BRINP1: variants seen among roughly 807,000 people sequenced by gnomAD.
BRINP1 encodes the protein BMP/retinoic acid-inducible neural-specific protein 1.
A neutral mutation model predicts 72.9 loss-of-function variants in BRINP1; 17 were observed. The ratio of observed to expected loss-of-function variants is 0.23; its 90% confidence interval spans 0.16 to 0.35. The LOEUF is 0.35. Ranked by LOEUF, BRINP1 falls within the 10% of genes least tolerant of loss-of-function variation. BRINP1 has a pLI of 1.00. For synonymous variants in BRINP1, 418 were observed against 378.5 expected, an observed-to-expected ratio of 1.10 and a Z score of -1.21; for missense variants, 850 against 1,001.6, an observed-to-expected ratio of 0.85 and a Z score of 2.04.
intron 1 of BRINP1, among the ~76,000 whole-genome samples, chr9:119,318,847 GTGTGTGTGTGTGTGTGTGTGTGT>G (rs1831155544): frequency 1.6e-5 from 1 of 63,796 alleles, no homozygotes; most frequent in Non-Finnish European, 4.0e-5. Context: ...TGTGTGGGGT[GTGTGTGTGTGTGTGTGTGTGTGT>G]GTGTGTGTGT....
intron 1 of BRINP1, among the ~76,000 whole-genome samples, chr9:119,347,887 C>T (rs192640213): frequency 6.6e-6 from 1 of 152,300 alleles, no homozygotes. Flanking sequence ...TTTATCCAGT[C>T]ATATGCATAG....
intron 2 of BRINP1, among the ~76,000 whole-genome samples, chr9:119,301,847 C>T (rs1413332498): frequency 6.6e-6 from 1 of 152,172 alleles, no homozygotes; most frequent in Non-Finnish European, 1.5e-5. Context: ...CAAACATCAA[C>T]TGATGCTACT....
intron 1 of BRINP1, among the ~76,000 whole-genome samples, chr9:119,337,738 T>C (rs923521420): frequency 6.6e-6 from 1 of 152,252 alleles, no homozygotes; most frequent in Non-Finnish European, 1.5e-5. Context: ...CCTCTGCCTG[T>C]TTCTGCCTCT....
intron 1 of BRINP1, among the ~76,000 whole-genome samples, chr9:119,367,389 T>A (rs1160691557): frequency 6.6e-6 from 1 of 151,924 alleles, no homozygotes; most frequent in Non-Finnish European, 1.5e-5. Flanking sequence ...CTAGCCTCCC[T>A]GCCTGAGAGC....
intron 7 of BRINP1, among the ~76,000 whole-genome samples, chr9:119,170,238 A>T (rs1272470124): frequency 6.6e-6 from 1 of 151,944 alleles, no homozygotes; most frequent in Non-Finnish European, 1.5e-5. Flanking sequence ...TTTAAAAAAA[A>T]TTTAGAAGAA....
chr9:119,240,465 C>G (rs1830235505), intron 4 of BRINP1, among the ~76,000 whole-genome samples: 1 of 152,142 alleles, frequency 6.6e-6, no homozygotes, highest in Admixed American at 6.5e-5. Context: ...TGGAGGCAGA[C>G]TGCACTTCTA....
intron 7 of BRINP1, among the ~76,000 whole-genome samples, chr9:119,185,166 A>T (rs1016862670): frequency 6.6e-6 from 1 of 152,098 alleles, no homozygotes; most frequent in Non-Finnish European, 1.5e-5. Flanking sequence ...ACCAACTGGT[A>T]GCATCCCCTC....
intron 1 of BRINP1, among the ~76,000 whole-genome samples, chr9:119,366,457 A>C (rs1831691742): frequency 6.7e-6 from 1 of 149,694 alleles, no homozygotes; most frequent in Non-Finnish European, 1.5e-5. Flanking sequence ...TTGGAGAAGG[A>C]ATCTATGTTC....
intron 5 of BRINP1, among the ~76,000 whole-genome samples, chr9:119,224,589 C>T (rs1260017769): frequency 6.6e-6 from 1 of 152,068 alleles, no homozygotes. Context: ...TGGCTTATAA[C>T]CACAAAGGTT....
chr9:119,361,440 C>T (rs1456241165), intron 1 of BRINP1, among the ~76,000 whole-genome samples: 1 of 152,080 alleles, frequency 6.6e-6, no homozygotes, highest in Non-Finnish European at 1.5e-5. Context: ...GGCATAGAAT[C>T]ACTATCTCAC....
Position 119,285,395 on chromosome 9 carries a change from C to T in BRINP1, c.218+27743G>A, listed in dbSNP as rs599616. On this transcript the variant is annotated intron_variant, in intron 2 of 7. Transcript: ENST00000265922. ...GTCAGCACTGAGTAATTTGATTCAACCATTTATATCCATTTAACGCTTACC... is the reference window on the plus strand; with the variant it reads ...GTCAGCACTGAGTAATTTGATTCAATCATTTATATCCATTTAACGCTTACC... Among the ~76,000 whole-genome samples the T allele has an allele frequency of 6.6e-5, 10 of 152,012 alleles. No individual in the cohort carries two copies. In the South Asian group the frequency reaches 2.1e-3, roughly 32 times the overall value.
intron 7 of BRINP1, among the ~76,000 whole-genome samples, chr9:119,187,105 G>A (rs1829630965): frequency 6.6e-6 from 1 of 151,762 alleles, no homozygotes; most frequent in Non-Finnish European, 1.5e-5. Context: ...CTACTGAAGT[G>A]CCTTGGAATC....
chr9:119,174,303 G>A (rs1271720400), intron 7 of BRINP1, among the ~76,000 whole-genome samples: 27 of 150,950 alleles, frequency 1.8e-4, no homozygotes, highest in Non-Finnish European at 2.4e-4. Flanking sequence ...ACAAGTGGGC[G>A]AAGGACATGA....
intron 5 of BRINP1, among the ~76,000 whole-genome samples, chr9:119,216,586 T>C (rs1016539734): frequency 1.3e-5 from 2 of 152,222 alleles, no homozygotes; most frequent in African/African-American, 4.8e-5. Flanking sequence ...TTTTCTCTTC[T>C]AGAGCCAAAT....
rs114385821 is a variant in BRINP1 at position 119,252,033 on chromosome 9, C to T, written c.219-2883G>A. Among the ~76,000 whole-genome samples, 1,499 of 152,202 alleles carry T rather than the reference C, an allele frequency of 9.8e-3. 25 individuals carry two copies. Among genetic ancestry groups the T allele is most frequent in the African/African-American group, 0.033 (1,376 of 41,536 alleles). ...CTGCTTCACCCACTGGCTCTCTGTT[C>T]CCTCTCTGTTTCTTGCATTGGCTTT... On this transcript the variant is annotated intron_variant, in intron 2 of 7. Transcript: ENST00000265922.
At chr9:119,173,915 TG>T (rs985290378) in intron 7 of BRINP1, among the ~76,000 whole-genome samples, 1 of 128,870 alleles carries the variant, frequency 7.8e-6, no homozygotes. Flanking sequence ...TTAATGGTGC[TG>T]GGAAAACTGG....
At chr9:119,206,440 AAG>A (rs545494576) in intron 7 of BRINP1, among the ~76,000 whole-genome samples, 2 of 141,242 alleles carry the variant, frequency 1.4e-5, no homozygotes, top group Non-Finnish European at 1.5e-5. Context: ...AAAAAAAAAA[AAG>A]AGAGAGAGAG....
chr9:119,233,793 A>G (rs760608336), intron 5 of BRINP1, among the ~76,000 whole-genome samples: 5 of 152,172 alleles, frequency 3.3e-5, no homozygotes, highest in African/African-American at 4.8e-5. Context: ...CCCTTCAGCC[A>G]CTACCCCATT....
chr9:119,278,853 A>G (rs1309616129), intron 2 of BRINP1, among the ~76,000 whole-genome samples: 1 of 152,130 alleles, frequency 6.6e-6, no homozygotes, highest in South Asian at 2.1e-4. Flanking sequence ...GCGCCACTGC[A>G]CTCCGACATG....
Sources: gnomAD v4.1 joint callset for allele counts (sites outside exome capture counted in the v4.1 genomes callset) on GRCh38, gnomAD v4.1.1 for gene constraint, MANE v1.5 for transcripts, NCBI Gene and HGNC (gene_info 2026-07-23, HGNC 2026-07-21) for gene names.